DLG2: variants seen among roughly 807,000 people sequenced by gnomAD.
DLG2 encodes the protein discs large MAGUK scaffold protein 2.
In DLG2, 45 loss-of-function variants were observed where a neutral mutation model predicts 132.5. The observed-to-expected ratio is 0.34, with a 90% CI of 0.27 to 0.44. The LOEUF is 0.44. DLG2 is among the 20% of genes least tolerant of loss of function. The probability of loss-of-function intolerance (pLI) is 1.00; values close to 1 mark genes in which losing one functional copy is unlikely to be tolerated. For synonymous variants in DLG2, 424 were observed against 419.6 expected, an observed-to-expected ratio of 1.01 and a Z score of -0.13; for missense variants, 1,045 against 1,196.9, an observed-to-expected ratio of 0.87 and a Z score of 1.87.
intron 6 of DLG2, among the ~76,000 whole-genome samples, chr11:84,571,664 G>A (rs1021279968): frequency 1.3e-5 from 2 of 152,046 alleles, no homozygotes; most frequent in Non-Finnish European, 2.9e-5. Context: ...AGTTTCAAGA[G>A]TGGTGACATG....
chr11:85,479,398 G>C (rs1458736677), intron 3 of DLG2, among the ~76,000 whole-genome samples: 1 of 152,158 alleles, frequency 6.6e-6, no homozygotes, highest in Non-Finnish European at 1.5e-5. Flanking sequence ...TCATTCATGA[G>C]GGTTCCACCC....
At chr11:84,804,833 C>T (rs1598490985) in intron 6 of DLG2, among the ~76,000 whole-genome samples, 1 of 152,136 alleles carries the variant, frequency 6.6e-6, no homozygotes, top group South Asian at 2.1e-4. Context: ...GGTTCCCCAT[C>T]CCCCTTGCTC....
At chr11:85,231,849 C>T (rs1404395878) in intron 4 of DLG2, among the ~76,000 whole-genome samples, 1 of 151,888 alleles carries the variant, frequency 6.6e-6, no homozygotes, top group African/African-American at 2.4e-5. Flanking sequence ...CACAAAAATT[C>T]CAACGTTACC....
intron 7 of DLG2, among the ~76,000 whole-genome samples, chr11:84,480,592 T>C (rs2099134386): frequency 6.6e-6 from 1 of 152,162 alleles, no homozygotes; most frequent in African/African-American, 2.4e-5. Flanking sequence ...ATCCCATTAT[T>C]GGTATGAAGA....
intron 18 of DLG2, among the ~76,000 whole-genome samples, chr11:83,636,032 T>C (rs1423397506): frequency 6.6e-6 from 1 of 152,174 alleles, no homozygotes; most frequent in Non-Finnish European, 1.5e-5. Context: ...AAATACTACA[T>C]GTCATCTCTA....
intron 26 of DLG2, among the ~76,000 whole-genome samples, chr11:83,463,366 G>A (rs1304995775): frequency 6.6e-6 from 1 of 152,154 alleles, no homozygotes; most frequent in Non-Finnish European, 1.5e-5. Context: ...GGGGTGTTAT[G>A]TATAATTTTT....
At chr11:85,113,777 G>A (rs1024986885) in intron 5 of DLG2, among the ~76,000 whole-genome samples, 1 of 151,954 alleles carries the variant, frequency 6.6e-6, no homozygotes, top group Admixed American at 6.6e-5. Context: ...GAGAGGAAGA[G>A]CCAAATCTAC....
At chr11:83,609,062 A>G (rs1432294156) in intron 19 of DLG2, among the ~76,000 whole-genome samples, 1 of 152,208 alleles carries the variant, frequency 6.6e-6, no homozygotes, top group Non-Finnish European at 1.5e-5. Context: ...TGATAGTTTC[A>G]TATGGTTTAA....
chr11:84,492,980 T>A (rs1603212459), intron 7 of DLG2, among the ~76,000 whole-genome samples: 1 of 152,078 alleles, frequency 6.6e-6, no homozygotes, highest in East Asian at 1.9e-4. Context: ...AAAGGAACAG[T>A]TTTTCTATGA....
chr11:83,807,309 C>T (rs181955635), intron 17 of DLG2, among the ~76,000 whole-genome samples: 1 of 152,136 alleles, frequency 6.6e-6, no homozygotes, highest in Non-Finnish European at 1.5e-5. Flanking sequence ...TTTACACAGG[C>T]AGGGAGGTAT....
intron 6 of DLG2, among the ~76,000 whole-genome samples, chr11:84,616,451 C>T (rs941834313): frequency 3.3e-5 from 5 of 151,992 alleles, no homozygotes; most frequent in African/African-American, 1.2e-4. Flanking sequence ...GATGAGGGTA[C>T]ATTTTAGCAC....
chr11:85,218,033 T>C (rs987577823), intron 4 of DLG2, among the ~76,000 whole-genome samples: 2 of 152,180 alleles, frequency 1.3e-5, no homozygotes, highest in Admixed American at 6.5e-5. Context: ...ATTTATTGAA[T>C]AGGGATTCCT....
chr11:85,389,686 G>T (rs912266470), intron 3 of DLG2, among the ~76,000 whole-genome samples: 1 of 152,226 alleles, frequency 6.6e-6, no homozygotes, highest in Admixed American at 6.5e-5. Flanking sequence ...TAATCTAGAA[G>T]AAATTAGGGT....
chr11:84,991,508 CAAAAAAA>C (rs760113916), intron 6 of DLG2, among the ~76,000 whole-genome samples: 2 of 108,742 alleles, frequency 1.8e-5, no homozygotes, highest in Non-Finnish European at 3.9e-5. Context: ...GACACCTTCT[CAAAAAAA>C]AAAAAAAAAA....
intron 2 of DLG2, among the ~76,000 whole-genome samples, chr11:85,601,047 T>A (rs2080119415): frequency 6.6e-6 from 1 of 152,200 alleles, no homozygotes; most frequent in Non-Finnish European, 1.5e-5. Context: ...TTATGTAGCT[T>A]ATCCACCGCA....
intron 6 of DLG2, among the ~76,000 whole-genome samples, chr11:84,748,260 T>C (rs1226596409): frequency 1.3e-5 from 2 of 152,184 alleles, no homozygotes; most frequent in East Asian, 1.9e-4. Context: ...AACATGCCAA[T>C]TGGTCTTCAC....
chr11:85,014,969 T>C (rs1370139207), intron 6 of DLG2, among the ~76,000 whole-genome samples: 1 of 152,192 alleles, frequency 6.6e-6, no homozygotes, highest in African/African-American at 2.4e-5. Context: ...CTTGAAGTTA[T>C]CAGACAGCTT....
At chr11:84,840,534 A>G (rs1452455270) in intron 6 of DLG2, among the ~76,000 whole-genome samples, 1 of 152,178 alleles carries the variant, frequency 6.6e-6, no homozygotes, top group Non-Finnish European at 1.5e-5. Flanking sequence ...ATAAATACAC[A>G]TGCACACATA....
Position 84,948,500 on chromosome 11 carries a change from C to T in DLG2, c.357+163161G>A, listed in dbSNP as rs886886494. 3.2e-4 allele frequency among the ~76,000 whole-genome samples: 48 copies of T among 152,212 alleles called. 1 individual carries two copies. The highest frequency in any genetic ancestry group is 9.8e-4 in the Admixed American group (15 of 15,284). ...AGCAGGGATTCTTCAATTTGCTAAT[C>T]TCAAGTGCTCTGTTTTCCAATGAAA... is the stretch of plus-strand genomic sequence containing the variant. On this transcript the variant is annotated intron_variant, in intron 6 of 27. Transcript: ENST00000376104.
Sources: allele counts gnomAD v4.1 joint callset (sites outside exome capture counted in the v4.1 genomes callset), GRCh38; gene constraint gnomAD v4.1.1; transcripts MANE v1.5; gene names NCBI Gene and HGNC (gene_info 2026-07-23, HGNC 2026-07-21).